Variants in KLHDC4 observed in about 807,000 individuals in gnomAD.
KLHDC4 encodes kelch domain containing 4.
KLHDC4 carries 90 observed loss-of-function variants against 62.4 expected under a neutral mutation model. The observed-to-expected ratio is 1.44, with a 90% CI of 1.22 to 1.72. The LOEUF (loss-of-function observed/expected upper bound fraction) is 1.72, where lower values mean the gene tolerates loss of function less well. Among genes scored for constraint, KLHDC4 ranks in the 40% most tolerant of loss-of-function variants. The probability of loss-of-function intolerance (pLI) is 0.00; values close to 1 mark genes in which losing one functional copy is unlikely to be tolerated. For synonymous variants in KLHDC4, 386 were observed against 284.4 expected (o/e 1.36, Z -3.59); for missense variants, 1,025 against 699.7 (o/e 1.47, Z -5.25).
chr16:87,749,167 C>A (rs1005550071), intron 4 of KLHDC4, among the ~76,000 whole-genome samples: 1 of 151,724 alleles, frequency 6.6e-6, no homozygotes, highest in South Asian at 2.1e-4. Context: ...TTATTAATAT[C>A]CACAATAAAG....
intron 7 of KLHDC4, among the ~76,000 whole-genome samples, chr16:87,716,150 G>C (rs907608488): frequency 6.7e-6 from 1 of 149,924 alleles, no homozygotes; most frequent in Non-Finnish European, 1.5e-5. Context: ...TGTAGACTTT[G>C]GGTACGCGCT....
At chr16:87,751,316 A>G (rs2043891191) in intron 4 of KLHDC4, among the ~76,000 whole-genome samples, 1 of 152,134 alleles carries the variant, frequency 6.6e-6, no homozygotes, top group South Asian at 2.1e-4. Context: ...TGTACTAAAA[A>G]TATAAAAATT....
chr16:87,762,423 T>C (rs2046023309), intron 1 of KLHDC4, among the ~76,000 whole-genome samples: 1 of 152,124 alleles, frequency 6.6e-6, no homozygotes, highest in African/African-American at 2.4e-5. Context: ...GACAAGAACT[T>C]CCACTTAGAC....
At chr16:87,707,001 A>G (rs1000281626), downstream of KLHDC4, among the ~76,000 whole-genome samples, 8 of 152,212 alleles carry the variant, frequency 5.3e-5, no homozygotes, top group East Asian at 1.9e-4. Context: ...CAACTCCCAG[A>G]TAAGAAATGG....
At chr16:87,705,772 G>A (rs983839349), downstream of KLHDC4, among the ~76,000 whole-genome samples, 1 of 152,138 alleles carries the variant, frequency 6.6e-6, no homozygotes, top group African/African-American at 2.4e-5. Flanking sequence ...GGCTGGAGCC[G>A]CAGAGCCGGG....
chr16:87,736,331 T>C (rs2041301260), intron 5 of KLHDC4, among the ~76,000 whole-genome samples: 1 of 152,174 alleles, frequency 6.6e-6, no homozygotes, highest in Non-Finnish European at 1.5e-5. Context: ...CACCAGTATG[T>C]ATGGTCCGTC....
At chr16:87,732,149 G>A (rs1035949996) in intron 5 of KLHDC4, among the ~76,000 whole-genome samples, 1 of 148,626 alleles carries the variant, frequency 6.7e-6, no homozygotes, top group South Asian at 2.1e-4. Context: ...AGGCCGGAGT[G>A]CAGTGGTGCA....
chr16:87,756,414 A>T lies in KLHDC4; in HGVS notation c.255T>A (p.Tyr85Ter), dbSNP rs1888669445. Residue 85 changes from tyrosine (Y) to a stop codon, truncating the protein, a stop_gained, in exon 3 of 12, where the codon TAT (tyrosine) becomes TAA (stop). Coordinates refer to ENST00000270583, the MANE Select transcript of KLHDC4 (RefSeq NM_017566.4). LOFTEE classifies it high-confidence loss of function. Reference protein sequence around the residue: ...KDELILFGGEYFNGQKTFLYN... With the variant: ...KDELILFGGE ...TATACTTTACTTTTTGGCCGTTGAA[A>T]TATTCACCTCCAAAAAGGATTAACT... 1 of 1,613,216 alleles carries T rather than the reference A, an allele frequency of 6.2e-7. No individual in the cohort carries two copies. Among genetic ancestry groups the T allele is most frequent in the Admixed American group, 1.7e-5 (1 of 60,016 alleles).
intron 5 of KLHDC4, among the ~76,000 whole-genome samples, chr16:87,734,686 C>A (rs2040971001): frequency 6.6e-6 from 1 of 152,200 alleles, no homozygotes; most frequent in African/African-American, 2.4e-5. Context: ...TTGGCATGAG[C>A]CTTTGGGGTG....
intron 9 of KLHDC4, 101 bp downstream of exon 9, chr16:87,711,134 T>G: frequency 8.3e-7 from 1 of 1,210,072 alleles, no homozygotes; most frequent in East Asian, 2.3e-5. Context: ...TCATGGGCTT[T>G]GGGGGCCCCA....
chr16:87,715,223 T>C (rs567537091), intron 7 of KLHDC4, among the ~76,000 whole-genome samples: 1 of 151,808 alleles, frequency 6.6e-6, no homozygotes, highest in South Asian at 2.1e-4. Context: ...CCCCCATCCA[T>C]TTCCATCTCA....
rs143209292 is a variant in KLHDC4 at position 87,746,501 on chromosome 16, C to T, written c.506+2172G>A. 5.4e-3 allele frequency among the ~76,000 whole-genome samples: 826 copies of T among 152,314 alleles called. 2 individuals carry two copies. Among genetic ancestry groups the T allele is most frequent in the South Asian group, 0.011 (54 of 4,826 alleles). ...CTCCTTATCAGACGCACACTCCACA[C>T]GACCTTCCAGGACCAAGGGTGACCT... On this transcript the variant is annotated intron_variant, in intron 5 of 11. Coordinates refer to ENST00000270583, the MANE Select transcript of KLHDC4 (RefSeq NM_017566.4).
In KLHDC4 at chr16:87,709,418, G is replaced by C; in HGVS notation, c.1294C>G (p.Arg432Gly). 6.2e-7 allele frequency: 1 copy of C among 1,613,088 alleles called. No homozygotes were observed. Among genetic ancestry groups the C allele is most frequent in the Non-Finnish European group, 8.5e-7 (1 of 1,179,942 alleles). ...TTCACAGCCAGCATGGCGTTGGAGCGTGGACACGGCCCAGGTGCGGGGCTG... is the reference window on the plus strand; with the variant it reads ...TTCACAGCCAGCATGGCGTTGGAGCCTGGACACGGCCCAGGTGCGGGGCTG... ...AGSPAPGPCP[R>G]SNAMLAVKHG... The change falls in exon 10 of 12, where the codon CGC becomes GGC. Residue 432 changes from arginine to glycine, a missense_variant. Coordinates refer to ENST00000270583, the MANE Select transcript of KLHDC4 (RefSeq NM_017566.4).
intron 7 of KLHDC4, among the ~76,000 whole-genome samples, chr16:87,717,744 A>ACGT (rs1440272512): frequency 0.014 from 2,145 of 152,152 alleles, 49 homozygotes; most frequent in African/African-American, 0.048. Context: ...TGCTGGGGGG[A>ACGT]CAAGGAAGGA....
chr16:87,733,505 G>A (rs887153369), intron 5 of KLHDC4, among the ~76,000 whole-genome samples: 3 of 152,186 alleles, frequency 2.0e-5, no homozygotes, highest in South Asian at 2.1e-4. Context: ...TCCTAGAGCC[G>A]CAGGCACCAG....
chr16:87,727,203 G>C (rs568603787), intron 6 of KLHDC4, among the ~76,000 whole-genome samples: 2 of 151,858 alleles, frequency 1.3e-5, no homozygotes, highest in East Asian at 3.9e-4. Flanking sequence ...ATTCAAGTTT[G>C]AATTGATATG....
intron 7 of KLHDC4, among the ~76,000 whole-genome samples, chr16:87,720,548 C>G (rs1302276658): frequency 6.6e-6 from 1 of 152,074 alleles, no homozygotes; most frequent in African/African-American, 2.4e-5. Flanking sequence ...AGACGCCGCG[C>G]CCCTGGGGAG....
chr16:87,763,929 C>T (rs2046241772), intron 1 of KLHDC4, among the ~76,000 whole-genome samples: 2 of 152,316 alleles, frequency 1.3e-5, no homozygotes, highest in South Asian at 4.1e-4. Flanking sequence ...ACCACAGACA[C>T]AACTTGCCAT....
Position 87,714,670 on chromosome 16 carries a change from G to A in KLHDC4, c.760-97C>T, listed in dbSNP as rs922907796. 1.8e-5 allele frequency: 23 copies of A among 1,296,530 alleles called. No homozygotes were observed. In the Admixed American group the frequency reaches 2.1e-4, roughly 12 times the overall value. The allele number at this position is 1,296,530 out of a possible 1,614,324, so 80.3% of individuals were successfully genotyped here. On this transcript the variant is annotated intron_variant, in intron 7 of 11. Transcript: ENST00000270583. The stretch of plus-strand genomic sequence containing the variant: ...GGGCGCATTTTGGATGGAAGGGGCT[G>A]GAGGCCTTCCCTGTAGACCAGCCCC...
Sources: allele counts gnomAD v4.1 joint callset (sites outside exome capture counted in the v4.1 genomes callset), GRCh38; gene constraint gnomAD v4.1.1; transcripts MANE v1.5; gene names NCBI Gene and HGNC (gene_info 2026-07-23, HGNC 2026-07-21).